Variants in KCNQ3 observed in about 807,000 individuals in gnomAD.
KCNQ3 encodes potassium voltage-gated channel subfamily Q member 3, also known as potassium voltage-gated channel subfamily KQT member 3.
Under a neutral mutation model 92.5 loss-of-function variants are expected in KCNQ3, and 30 were observed. That is an observed-to-expected ratio of 0.32 (90% CI 0.24 to 0.44). KCNQ3 has a LOEUF of 0.44. Among genes scored for constraint, KCNQ3 ranks in the 20% least tolerant of loss-of-function variants. KCNQ3 has a pLI of 1.00. For missense variants in KCNQ3, 913 were observed against 1,140.3 expected (o/e 0.80, Z 2.87); for synonymous variants, 450 against 468.8 (o/e 0.96, Z 0.52).
At chr8:132,338,681 C>T (rs951460129) in intron 1 of KCNQ3, among the ~76,000 whole-genome samples, 1 of 152,196 alleles carries the variant, frequency 6.6e-6, no homozygotes, top group Non-Finnish European at 1.5e-5. Context: ...CCCATCTGTG[C>T]TCTCAGGAAC....
At chr8:132,283,718 C>T (rs545384391) in intron 1 of KCNQ3, among the ~76,000 whole-genome samples, 10 of 152,292 alleles carry the variant, frequency 6.6e-5, no homozygotes, top group Non-Finnish European at 1.0e-4. Flanking sequence ...TCTAAAAATA[C>T]GGAGAAGTAT....
At chr8:132,190,310 C>T (rs28584332) in intron 1 of KCNQ3, among the ~76,000 whole-genome samples, 34,330 of 151,974 alleles carry the variant, frequency 0.23, 4,158 homozygotes, top group African/African-American at 0.32. Context: ...CTGTGACTTG[C>T]TTCTAACAAT....
Position 132,175,442 on chromosome 8 carries a change from T to C in KCNQ3, c.933+11A>G, listed in dbSNP as rs1826516269. 1.2e-6 allele frequency: 2 copies of C among 1,613,962 alleles called. No homozygotes were observed. The highest frequency in any genetic ancestry group is 1.7e-6 in the Non-Finnish European group (2 of 1,179,934). On this transcript the variant is annotated intron_variant, in intron 5 of 14. Transcript: ENST00000388996. ...AATCTCACAGAATTGGCCTCCAAGGTAGTGACTCACCAGGCCCCACCACAG... is the reference window on the plus strand; with the variant it reads ...AATCTCACAGAATTGGCCTCCAAGGCAGTGACTCACCAGGCCCCACCACAG...
At chr8:132,414,994 TAG>T (rs2130802552) in intron 1 of KCNQ3, among the ~76,000 whole-genome samples, 1 of 152,306 alleles carries the variant, frequency 6.6e-6, no homozygotes, top group South Asian at 2.1e-4. Context: ...TCAGCTGTGT[TAG>T]AGACACTTGG....
chr8:132,126,305 A>G lies in KCNQ3; in HGVS notation c.*2957T>C, dbSNP rs1469050666. On this transcript the variant is annotated 3_prime_UTR_variant, in exon 15 of 15. Transcript: ENST00000388996. ...TATCATGCTGTTCCCTTGTCTGACA[A>G]AAGGATCTTTGTGAAAGCACACACT... The G allele has an allele frequency of 3.3e-5, 5 of 152,160 alleles. No individual in the cohort carries two copies. Among genetic ancestry groups the G allele is most frequent in the African/African-American group, 1.2e-4 (5 of 41,442 alleles). 9.4% of individuals were successfully genotyped at this position (152,160 alleles called of 1,614,324 possible). A position where few individuals can be genotyped will look rare whatever the true frequency, so the allele number is the denominator to read the frequency against.
intron 1 of KCNQ3, among the ~76,000 whole-genome samples, chr8:132,236,492 A>G (rs1041353764): frequency 1.3e-5 from 2 of 152,224 alleles, no homozygotes; most frequent in Non-Finnish European, 2.9e-5. Flanking sequence ...TAATGCTAAT[A>G]ATTAAAACAA....
At chr8:132,453,372 A>G (rs945790984) in intron 1 of KCNQ3, among the ~76,000 whole-genome samples, 3 of 152,176 alleles carry the variant, frequency 2.0e-5, no homozygotes. Flanking sequence ...GATGGGTAAG[A>G]GCAGAAGACA....
At chr8:132,452,034 C>G (rs1412926937) in intron 1 of KCNQ3, among the ~76,000 whole-genome samples, 2 of 152,222 alleles carry the variant, frequency 1.3e-5, no homozygotes, top group Admixed American at 1.3e-4. Flanking sequence ...TGTGGTTTCT[C>G]ACACCGCAGC....
chr8:132,392,002 G>A (rs1463742907), intron 1 of KCNQ3, among the ~76,000 whole-genome samples: 1 of 152,170 alleles, frequency 6.6e-6, no homozygotes, highest in Non-Finnish European at 1.5e-5. Flanking sequence ...CTGTGGGGGT[G>A]TGTGCTCATT....
chr8:132,440,968 C>T (rs905059178), intron 1 of KCNQ3, among the ~76,000 whole-genome samples: 2 of 152,212 alleles, frequency 1.3e-5, no homozygotes, highest in Non-Finnish European at 2.9e-5. Flanking sequence ...TTAGGGCCTG[C>T]CAGATATCCG....
chr8:132,418,920 A>C (rs1820892128), intron 1 of KCNQ3, among the ~76,000 whole-genome samples: 1 of 152,242 alleles, frequency 6.6e-6, no homozygotes, highest in Non-Finnish European at 1.5e-5. Context: ...TGCAAGTCCT[A>C]ATTCAATCTT....
chr8:132,135,427 G>A (rs1825050724), intron 12 of KCNQ3, among the ~76,000 whole-genome samples: 1 of 152,082 alleles, frequency 6.6e-6, no homozygotes, highest in Non-Finnish European at 1.5e-5. Context: ...CCCTGAAACA[G>A]TCATGGCTCC....
chr8:132,244,958 C>T (rs1212873381), intron 1 of KCNQ3, among the ~76,000 whole-genome samples: 1 of 149,806 alleles, frequency 6.7e-6, no homozygotes, highest in Non-Finnish European at 1.5e-5. Context: ...AAGCTACCCA[C>T]GATTCCACTG....
intron 1 of KCNQ3, among the ~76,000 whole-genome samples, chr8:132,350,120 C>A (rs959763578): frequency 6.6e-6 from 1 of 152,168 alleles, no homozygotes; most frequent in Non-Finnish European, 1.5e-5. Context: ...CCAAATGGCA[C>A]ACTTAGTGAG....
rs1587060920 is a variant in KCNQ3, at chr8:132,480,650, T to G, written c.-118A>C. On this transcript the variant is annotated 5_prime_UTR_variant, in exon 1 of 15. It removes an upstream start codon present in the reference 5' UTR. Coordinates refer to ENST00000388996, the MANE Select transcript of KCNQ3 (RefSeq NM_004519.4). ...TGCAAGCCCGGGAACTCCAATGCCA[T>G]GATCCGCGCGCCCCTCCCCACCCCC... 4 of 1,054,484 alleles carry G rather than the reference T, an allele frequency of 3.8e-6. No individual in the cohort carries two copies. Among genetic ancestry groups the G allele is most frequent in the Non-Finnish European group, 4.7e-6 (4 of 853,576 alleles). 65.3% of individuals were successfully genotyped at this position (1,054,484 alleles called of 1,614,324 possible). A position where few individuals can be genotyped will look rare whatever the true frequency, so the allele number is the denominator to read the frequency against.
chr8:132,134,209 G>A, intron 13 of KCNQ3, 81 bp downstream of exon 13: 2 of 990,500 alleles, frequency 2.0e-6, no homozygotes, highest in East Asian at 2.4e-5. Flanking sequence ...CCACATAAAG[G>A]ACCCCAGCAG....
At chr8:132,267,131 A>G (rs1236406425) in intron 1 of KCNQ3, among the ~76,000 whole-genome samples, 2 of 152,150 alleles carry the variant, frequency 1.3e-5, no homozygotes, top group East Asian at 1.9e-4. Flanking sequence ...TACAATTTCC[A>G]TTGACTGCAG....
chr8:132,357,915 G>C (rs147291626), intron 1 of KCNQ3, among the ~76,000 whole-genome samples: 2 of 152,122 alleles, frequency 1.3e-5, no homozygotes, highest in African/African-American at 4.8e-5. Flanking sequence ...GTGCTCTGGC[G>C]CAAAGAGCTC....
chr8:132,197,009 A>C (rs1827319583), intron 1 of KCNQ3, among the ~76,000 whole-genome samples: 1 of 147,656 alleles, frequency 6.8e-6, no homozygotes, highest in Non-Finnish European at 1.5e-5. Context: ...ACCATGTCTC[A>C]TGGATTTTTT....
Sources: allele counts gnomAD v4.1 joint callset (sites outside exome capture counted in the v4.1 genomes callset), GRCh38; gene constraint gnomAD v4.1.1; transcripts MANE v1.5; gene names NCBI Gene and HGNC (gene_info 2026-07-23, HGNC 2026-07-21).